Variants in SIRT3 observed in about 807,000 individuals in gnomAD.
SIRT3 encodes sirtuin 3.
SIRT3 carries 26 observed loss-of-function variants against 33.5 expected under a neutral mutation model. The ratio of observed to expected loss-of-function variants is 0.78; its 90% CI spans 0.57 to 1.08. The LOEUF is 1.08. Among genes scored for constraint, SIRT3 ranks in the 50% least tolerant of loss-of-function variants. SIRT3 has a pLI of 0.00. For missense variants in SIRT3, 585 were observed against 530.1 expected (o/e 1.10, Z -1.02); for synonymous variants, 237 against 222.1 (o/e 1.07, Z -0.60).
intron 4 of SIRT3, among the ~76,000 whole-genome samples, chr11:227,427 G>A (rs1445070945): frequency 6.6e-6 from 1 of 151,038 alleles, no homozygotes; most frequent in Non-Finnish European, 1.5e-5. Context: ...AACAGAGCAA[G>A]ACTCTATCTC....
chr11:235,391 A>G (rs1430647009), intron 1 of SIRT3, among the ~76,000 whole-genome samples: 4 of 151,978 alleles, frequency 2.6e-5, no homozygotes, highest in Non-Finnish European at 4.4e-5. Context: ...TTTTTGGTAG[A>G]GATGGGGGTC....
intron 6 of SIRT3, 58 bp downstream of exon 6, chr11:218,774 A>G (rs1211608285): frequency 6.2e-7 from 1 of 1,612,278 alleles, no homozygotes; most frequent in Non-Finnish European, 8.5e-7. Flanking sequence ...CAGGTGGACC[A>G]TACCCTAGAG....
At chr11:226,878 C>T (rs928710858) in intron 4 of SIRT3, among the ~76,000 whole-genome samples, 1 of 151,324 alleles carries the variant, frequency 6.6e-6, no homozygotes, top group African/African-American at 2.4e-5. Context: ...CTCAGCCTCC[C>T]GAGTATCTGA....
chr11:228,565 A>G (rs1857474580), intron 4 of SIRT3, among the ~76,000 whole-genome samples: 1 of 152,234 alleles, frequency 6.6e-6, no homozygotes, highest in Admixed American at 6.5e-5. Context: ...TCCACATAAA[A>G]GAAAATGAAG....
intron 4 of SIRT3, among the ~76,000 whole-genome samples, chr11:226,556 G>C (rs1214875182): frequency 1.3e-5 from 2 of 151,380 alleles, no homozygotes; most frequent in African/African-American, 4.9e-5. Flanking sequence ...TTACAGATGG[G>C]TGCCACCACA....
chr11:223,502 C>T lies in SIRT3; in HGVS notation c.969+576G>A, dbSNP rs1007460101. On this transcript the variant is annotated intron_variant, in intron 5 of 6. Transcript: ENST00000382743. This position sits in a 1 kb window ranked among gnomAD's most constrained non-coding sequence, Gnocchi z 4.8. ...CACTCCCCAAAGGCCTCCCTGACCC[C>T]AAGGGTGCAGCTACGTCCCCGGGCC... is the stretch of plus-strand genomic sequence containing the variant. The T allele has an allele frequency of 6.0e-6, 2 of 331,660 alleles. No homozygotes were observed. The highest frequency in any genetic ancestry group is 5.0e-5 in the South Asian group (2 of 39,968). 20.5% of individuals were successfully genotyped at this position (331,660 alleles called of 1,614,324 possible). A position where few individuals can be genotyped will look rare whatever the true frequency, so the allele number is the denominator to read the frequency against.
intron 6 of SIRT3, among the ~76,000 whole-genome samples, chr11:217,802 T>C (rs1855865176): frequency 1.3e-5 from 2 of 152,244 alleles, no homozygotes; most frequent in African/African-American, 2.4e-5. Context: ...TATATTGTAG[T>C]TGATATGGTT....
intron 4 of SIRT3, among the ~76,000 whole-genome samples, chr11:224,617 T>C (rs906763467): frequency 6.6e-6 from 1 of 152,186 alleles, no homozygotes; most frequent in African/African-American, 2.4e-5. Context: ...TCTGCAGGCA[T>C]TTGGCCTACA....
intron 4 of SIRT3, among the ~76,000 whole-genome samples, chr11:229,527 G>C (rs1054153437): frequency 6.6e-6 from 1 of 151,586 alleles, no homozygotes; most frequent in Non-Finnish European, 1.5e-5. Flanking sequence ...AGGCCGAGGC[G>C]GGTGAACCAC....
intron 4 of SIRT3, among the ~76,000 whole-genome samples, chr11:230,138 G>A (rs11246018): frequency 0.16 from 23,627 of 151,054 alleles, 2,346 homozygotes; most frequent in Middle Eastern, 0.22. Context: ...CCTTGAATCC[G>A]GGAGACGGAG....
Position 224,064 on chromosome 11 carries a change from G to A in SIRT3, c.969+14C>T, listed in dbSNP as rs201895298. ...GCCCTCCAGCCTCCTCCCTGCACAG[G>A]CCTGCTGACAAACCTCCAGGGAGGT... On this transcript the variant is annotated intron_variant, in intron 5 of 6. Coordinates refer to ENST00000382743, the MANE Select transcript of SIRT3 (RefSeq NM_012239.6). 1.2e-6 allele frequency: 2 copies of A among 1,613,544 alleles called. No individual in the cohort carries two copies. Among genetic ancestry groups the A allele is most frequent in the Non-Finnish European group, 1.7e-6 (2 of 1,179,834 alleles).
intron 5 of SIRT3, among the ~76,000 whole-genome samples, chr11:219,915 CTCA>C (rs1464573971): frequency 1.3e-5 from 2 of 152,052 alleles, no homozygotes; most frequent in Non-Finnish European, 2.9e-5. Context: ...TTAAAAACCT[CTCA>C]TCATCATAAA....
chr11:230,894 T>G (rs1456244885), intron 3 of SIRT3, among the ~76,000 whole-genome samples: 2 of 151,914 alleles, frequency 1.3e-5, no homozygotes, highest in Non-Finnish European at 2.9e-5. Context: ...GAGGCCGAGG[T>G]GGGCAGATCA....
At chr11:230,700 G>GT (rs1203427907) in intron 3 of SIRT3, 148 bp from the exon 4 acceptor site, 3 of 421,852 alleles carry the variant, frequency 7.1e-6, no homozygotes, top group Non-Finnish European at 1.2e-5. Flanking sequence ...TTTCATGCCC[G>GT]TATCACCTAC....
At chr11:236,794 A>G, upstream of SIRT3, 1 of 546,328 alleles carries the variant, frequency 1.8e-6, no homozygotes, top group Non-Finnish European at 3.3e-6. Flanking sequence ...GTTCGACCAC[A>G]GGCGCCCACA....
rs371637676 is a variant in SIRT3 at position 230,700 on chromosome 11, G to A, written c.707-148C>T. ...GTCCTCAAGCCTGGTTTTCATGCCCGTATCACCTACATGCGCCATCAACCA... is the reference window on the plus strand; with the variant it reads ...GTCCTCAAGCCTGGTTTTCATGCCCATATCACCTACATGCGCCATCAACCA... On this transcript the variant is annotated intron_variant, in intron 3 of 6. Coordinates refer to ENST00000382743, the MANE Select transcript of SIRT3 (RefSeq NM_012239.6). 6.6e-5 allele frequency: 28 copies of A among 421,970 alleles called. No individual in the cohort carries two copies. In the East Asian group the frequency reaches 9.6e-4, roughly 15 times the overall value. The allele number at this position is 421,970 out of a possible 1,614,324, so 26.1% of individuals were successfully genotyped here. A position where few individuals can be genotyped will look rare whatever the true frequency, so the allele number is the denominator to read the frequency against.
At chr11:232,878 C>T in intron 3 of SIRT3, 105 bp downstream of exon 3, 2 of 1,093,600 alleles carry the variant, frequency 1.8e-6, no homozygotes, top group Middle Eastern at 3.1e-4. Flanking sequence ...AAACAGGCAC[C>T]CGAGCATCCC....
chr11:235,472 T>G (rs989839639), intron 1 of SIRT3, among the ~76,000 whole-genome samples: 3 of 152,236 alleles, frequency 2.0e-5, no homozygotes, highest in Admixed American at 6.5e-5. Context: ...CCGAAAGTGC[T>G]GGTATTACAA....
At chr11:218,356 G>C (rs564355792) in intron 6 of SIRT3, among the ~76,000 whole-genome samples, 1 of 152,284 alleles carries the variant, frequency 6.6e-6, no homozygotes, top group South Asian at 2.1e-4. Context: ...AAGCATCAAG[G>C]CTCTTTGGCT....
Sources: gnomAD v4.1 joint callset for allele counts (sites outside exome capture counted in the v4.1 genomes callset) on GRCh38, gnomAD v4.1.1 for gene constraint, Gnocchi (gnomAD v3.1) non-coding constraint, MANE v1.5 for transcripts, NCBI Gene and HGNC (gene_info 2026-07-23, HGNC 2026-07-21) for gene names.